PAK5: variants seen among roughly 807,000 people sequenced by gnomAD.
PAK5 encodes serine/threonine-protein kinase PAK 5.
PAK5 carries 16 observed loss-of-function variants against 65.9 expected under a neutral mutation model. The observed-to-expected ratio is 0.24, with a 90% confidence interval of 0.16 to 0.37. The LOEUF is 0.37. Among genes scored for constraint, PAK5 ranks in the 10% least tolerant of loss-of-function variants. The pLI, the probability that PAK5 is intolerant of heterozygous loss-of-function variation, is 1.00. For missense variants in PAK5, 785 were observed against 903.9 expected, an observed-to-expected ratio of 0.87 and a Z score of 1.69; for synonymous variants, 371 against 354.9, an observed-to-expected ratio of 1.05 and a Z score of -0.51.
At chr20:9,575,764 G>C (rs890046141) in intron 4 of PAK5, 6 of 152,190 alleles carry the variant, frequency 3.9e-5, no homozygotes, top group Non-Finnish European at 7.3e-5. Context: ...TCTAGGATTT[G>C]TGTCTGGGCC....
intron 3 of PAK5, among the ~76,000 whole-genome samples, chr20:9,639,393 G>T (rs1273771040): frequency 6.6e-6 from 1 of 152,074 alleles, no homozygotes; most frequent in East Asian, 1.9e-4. Context: ...TGCTTTATGG[G>T]AGTTTAGTGT....
chr20:9,596,656 A>G (rs999247548), intron 3 of PAK5, among the ~76,000 whole-genome samples: 3 of 151,252 alleles, frequency 2.0e-5, no homozygotes, highest in Non-Finnish European at 4.4e-5. Flanking sequence ...AAAAAAAAAA[A>G]AAAAGACTAC....
chr20:9,593,717 ACT>A (rs2046214696), intron 3 of PAK5, among the ~76,000 whole-genome samples: 1 of 151,996 alleles, frequency 6.6e-6, no homozygotes, highest in Admixed American at 6.6e-5. Context: ...AGAAACGCTA[ACT>A]CTGCAACATT....
At chr20:9,688,201 T>C (rs2047746089) in intron 2 of PAK5, among the ~76,000 whole-genome samples, 1 of 151,970 alleles carries the variant, frequency 6.6e-6, no homozygotes, top group Admixed American at 6.6e-5. Flanking sequence ...AGGGCAGACT[T>C]TGCTTCCTTC....
Position 9,580,577 on chromosome 20 carries a change from C to T in PAK5, c.558G>A (p.Lys186=), listed in dbSNP as rs747878050. 2.2e-5 allele frequency: 36 copies of T among 1,614,108 alleles called. No homozygotes were observed. Among genetic ancestry groups the T allele is most frequent in the Non-Finnish European group, 2.7e-5 (32 of 1,180,018 alleles). The change falls in exon 4 of 10, where the codon AAG becomes AAA. Residue 186 remains lysine, a synonymous_variant. Coordinates refer to ENST00000353224, the MANE Select transcript of PAK5 (RefSeq NM_177990.4). The part of the protein sequence containing the change: ...KHGEAYYSEV[K]PLKSDFARFS... Reference sequence around the variant, plus strand: ...ATCTGGCAAAATCGGATTTCAAAGGCTTCACCTCAGAATAGTAGGCCTCCC... The same window carrying T: ...ATCTGGCAAAATCGGATTTCAAAGGTTTCACCTCAGAATAGTAGGCCTCCC...
At chr20:9,828,075 T>C (rs1978412723) in intron 1 of PAK5, among the ~76,000 whole-genome samples, 1 of 152,106 alleles carries the variant, frequency 6.6e-6, no homozygotes, top group Non-Finnish European at 1.5e-5. Flanking sequence ...ACCCAGGTAA[T>C]CCACCCACCT....
At chr20:9,701,434 A>G (rs2047938365) in intron 2 of PAK5, among the ~76,000 whole-genome samples, 1 of 152,156 alleles carries the variant, frequency 6.6e-6, no homozygotes, top group African/African-American at 2.4e-5. Flanking sequence ...CTATGCCCAC[A>G]GGCCCAGTCT....
At chr20:9,542,813 C>T in intron 8 of PAK5, 93 bp from the exon 9 acceptor site, 2 of 1,109,796 alleles carry the variant, frequency 1.8e-6, no homozygotes, top group Non-Finnish European at 2.6e-6. Flanking sequence ...TCACAAGTGA[C>T]TATGGCACTT....
intron 1 of PAK5, among the ~76,000 whole-genome samples, chr20:9,756,514 G>C (rs1600332813): frequency 6.6e-6 from 1 of 152,100 alleles, no homozygotes; most frequent in East Asian, 1.9e-4. Context: ...CACTTGAAAA[G>C]TGGCTAGTTT....
chr20:9,784,959 C>T (rs77304205), intron 1 of PAK5, among the ~76,000 whole-genome samples: 18,572 of 151,926 alleles, frequency 0.12, 1,423 homozygotes, highest in Middle Eastern at 0.21. Flanking sequence ...CAAAGGAAGA[C>T]ATTTCCTTTA....
intron 7 of PAK5, among the ~76,000 whole-genome samples, chr20:9,552,724 GTT>G (rs11471167): frequency 0.055 from 7,772 of 141,176 alleles, 308 homozygotes; most frequent in East Asian, 0.23. Flanking sequence ...AAATTTTTTA[GTT>G]TTTTTTTTTT....
intron 1 of PAK5, among the ~76,000 whole-genome samples, chr20:9,804,463 G>T (rs2049207632): frequency 6.6e-6 from 1 of 152,016 alleles, no homozygotes; most frequent in African/African-American, 2.4e-5. Flanking sequence ...CAATACATGG[G>T]AAAAAATCAT....
intron 3 of PAK5, among the ~76,000 whole-genome samples, chr20:9,583,959 T>C (rs1323867681): frequency 6.6e-6 from 1 of 152,240 alleles, no homozygotes; most frequent in African/African-American, 2.4e-5. Flanking sequence ...TTTTTTTGCC[T>C]ATTCCTTTTT....
chr20:9,679,323 A>T (rs1372108956), intron 2 of PAK5, among the ~76,000 whole-genome samples: 2 of 152,080 alleles, frequency 1.3e-5, no homozygotes, highest in Admixed American at 6.5e-5. Context: ...GTTTTGGGGG[A>T]GTCAAAAGTT....
At chr20:9,693,491 C>G (rs891056691) in intron 2 of PAK5, among the ~76,000 whole-genome samples, 1 of 151,778 alleles carries the variant, frequency 6.6e-6, no homozygotes, top group African/African-American at 2.4e-5. Flanking sequence ...CTCACATGCA[C>G]ATACACTACA....
intron 1 of PAK5, among the ~76,000 whole-genome samples, chr20:9,796,501 G>A (rs1274729656): frequency 6.6e-6 from 1 of 152,042 alleles, no homozygotes; most frequent in African/African-American, 2.4e-5. Context: ...CTGGAGAGGT[G>A]GAAGATTAAT....
intron 2 of PAK5, among the ~76,000 whole-genome samples, chr20:9,692,078 C>CTT (rs2047805464): frequency 6.6e-6 from 1 of 152,206 alleles, no homozygotes; most frequent in Admixed American, 6.6e-5. Flanking sequence ...ATTGTTCAAA[C>CTT]TTTGCTGATT....
intron 2 of PAK5, among the ~76,000 whole-genome samples, chr20:9,677,471 T>C (rs1290984073): frequency 6.6e-6 from 1 of 152,196 alleles, no homozygotes; most frequent in African/African-American, 2.4e-5. Flanking sequence ...GCCTTAGACA[T>C]GAAACCCTGG....
chr20:9,747,148 C>T (rs1282726821), intron 1 of PAK5, among the ~76,000 whole-genome samples: 3 of 152,172 alleles, frequency 2.0e-5, no homozygotes, highest in African/African-American at 7.2e-5. Context: ...GAAGTTGACT[C>T]TCTGAATAGA....
Sources: allele counts gnomAD v4.1 joint callset (sites outside exome capture counted in the v4.1 genomes callset), GRCh38; gene constraint gnomAD v4.1.1; transcripts MANE v1.5; gene names NCBI Gene and HGNC (gene_info 2026-07-23, HGNC 2026-07-21).